Variants in KIN observed in about 807,000 individuals in gnomAD.
KIN encodes Kin17 DNA and RNA binding protein, also known as DNA/RNA-binding protein KIN17.
Under a neutral mutation model 63.0 loss-of-function variants are expected in KIN, and 47 were observed. The ratio of observed to expected loss-of-function variants is 0.75; its 90% CI spans 0.59 to 0.95. KIN has a LOEUF of 0.95. KIN is among the 40% of genes least tolerant of loss of function. The pLI, the probability that KIN is intolerant of heterozygous loss-of-function variation, is 0.00. For missense variants in KIN, 408 were observed against 460.9 expected (o/e 0.89, Z 1.05); for synonymous variants, 160 against 157.7 (o/e 1.01, Z -0.11).
intron 8 of KIN, among the ~76,000 whole-genome samples, chr10:7,767,675 T>C (rs1239553948): frequency 6.6e-6 from 1 of 151,880 alleles, no homozygotes; most frequent in Non-Finnish European, 1.5e-5. Flanking sequence ...CTGGCCAGCA[T>C]AGTGAAATCC....
At chr10:7,770,889 A>C (rs1356448524) in intron 7 of KIN, among the ~76,000 whole-genome samples, 1 of 152,214 alleles carries the variant, frequency 6.6e-6, no homozygotes, top group Non-Finnish European at 1.5e-5. Context: ...GCTTGAAGTC[A>C]ACTAAAACCC....
intron 5 of KIN, among the ~76,000 whole-genome samples, chr10:7,778,010 A>T (rs1835815868): frequency 6.6e-6 from 1 of 152,142 alleles, no homozygotes; most frequent in South Asian, 2.1e-4. Context: ...GCGCTTATAA[A>T]TATATGTTGA....
chr10:7,777,869 A>T (rs560023578), intron 5 of KIN, among the ~76,000 whole-genome samples: 1 of 149,912 alleles, frequency 6.7e-6, no homozygotes, highest in South Asian at 2.1e-4. Context: ...ACTGCACTCC[A>T]GCCTGGGCGA....
chr10:7,782,492 C>G (rs147812229), intron 2 of KIN, among the ~76,000 whole-genome samples: 5,653 of 151,770 alleles, frequency 0.037, 346 homozygotes, highest in African/African-American at 0.13. Context: ...TCTGCCTCCC[C>G]GGTTCAAGCA....
chr10:7,756,151 TA>T lies in KIN; in HGVS notation c.1120-10del. On this transcript the variant is annotated splice_polypyrimidine_tract_variant and intron_variant, in intron 12 of 12. Transcript: ENST00000379562. ...CGTCCTTTTAAAGGGCCCTACAAATTAAAATAATTTAAAATAAGGTTAAAAA... is the reference window on the plus strand; with the variant it reads ...CGTCCTTTTAAAGGGCCCTACAAATTAAATAATTTAAAATAAGGTTAAAAA... 1 of 1,459,392 alleles carries T rather than the reference TA, an allele frequency of 6.9e-7. No homozygotes were observed. Among genetic ancestry groups the T allele is most frequent in the Non-Finnish European group, 9.4e-7 (1 of 1,069,030 alleles). The allele number at this position is 1,459,392 out of a possible 1,614,324, so 90.4% of individuals were successfully genotyped here. A position where few individuals can be genotyped will look rare whatever the true frequency, so the allele number is the denominator to read the frequency against.
intron 5 of KIN, among the ~76,000 whole-genome samples, chr10:7,776,229 CAAA>C (rs66884181): frequency 1.8e-5 from 2 of 112,984 alleles, no homozygotes. Context: ...GACTCCATCT[CAAA>C]AAAAAAAAAA....
In KIN at chr10:7,787,959, T is replaced by A; in HGVS notation, c.-26A>T. On this transcript the variant is annotated 5_prime_UTR_variant, in exon 1 of 13. Coordinates refer to ENST00000379562, the MANE Select transcript of KIN (RefSeq NM_012311.4). ...GGCGACCACGGCAGCGATCACTTTC[T>A]GGACCCCAGTACTCAGCCAGCCGGA... The A allele has an allele frequency of 5.2e-6, 8 of 1,548,058 alleles. No homozygotes were observed. The highest frequency in any genetic ancestry group is 7.1e-6 in the Non-Finnish European group (8 of 1,119,850).
intron 5 of KIN, among the ~76,000 whole-genome samples, chr10:7,776,058 C>A (rs1835764082): frequency 6.6e-6 from 1 of 151,918 alleles, no homozygotes; most frequent in Admixed American, 6.6e-5. Context: ...GAAACCCTGT[C>A]TCTGCTAAAA....
chr10:7,774,119 G>T (rs1409799564), intron 7 of KIN, among the ~76,000 whole-genome samples: 1 of 152,162 alleles, frequency 6.6e-6, no homozygotes, highest in African/African-American at 2.4e-5. Flanking sequence ...TTCAGTTATT[G>T]TGACAAAGAC....
At chr10:7,769,452 CAGG>C (rs779754605) in intron 7 of KIN, 107 bp from the exon 8 acceptor site, 356 of 1,140,930 alleles carry the variant, frequency 3.1e-4, no homozygotes, top group Non-Finnish European at 4.1e-4. Context: ...TAGTAATTTA[CAGG>C]AGATTAGTGA....
intron 8 of KIN, among the ~76,000 whole-genome samples, chr10:7,767,699 A>T (rs1835577429): frequency 6.6e-6 from 1 of 152,096 alleles, no homozygotes; most frequent in East Asian, 1.9e-4. Flanking sequence ...CTCTACTAAA[A>T]ATATAAAAAA....
At chr10:7,764,646 G>A (rs950182335) in intron 9 of KIN, among the ~76,000 whole-genome samples, 2 of 152,148 alleles carry the variant, frequency 1.3e-5, no homozygotes, top group South Asian at 4.1e-4. Flanking sequence ...AAATGTGAAC[G>A]GTCTTATTCT....
intron 1 of KIN, among the ~76,000 whole-genome samples, chr10:7,786,663 G>A (rs528057590): frequency 2.6e-4 from 40 of 152,032 alleles, no homozygotes; most frequent in Non-Finnish European, 5.0e-4. Flanking sequence ...TGAGGATAGA[G>A]GCAGTTTCGC....
intron 7 of KIN, among the ~76,000 whole-genome samples, chr10:7,769,773 A>G (rs1330799313): frequency 1.3e-5 from 2 of 152,170 alleles, no homozygotes; most frequent in African/African-American, 4.8e-5. Flanking sequence ...AGATAATAAC[A>G]TGACCCAACT....
In KIN at chr10:7,755,025, T is replaced by A. The variant is rs565966798; in HGVS notation, c.*1055A>T. On this transcript the variant is annotated 3_prime_UTR_variant, in exon 13 of 13. Coordinates refer to ENST00000379562, the MANE Select transcript of KIN (RefSeq NM_012311.4). Reference sequence around the variant, plus strand: ...AGGAGGATCACTTGAGCCCAGGAGTTTGACAGCAGCCTGGGCAACACAGTG... The same window carrying A: ...AGGAGGATCACTTGAGCCCAGGAGTATGACAGCAGCCTGGGCAACACAGTG... 1.3e-5 allele frequency: 2 copies of A among 152,484 alleles called. No homozygotes were observed. Among genetic ancestry groups the A allele is most frequent in the Non-Finnish European group, 2.9e-5 (2 of 68,172 alleles). The allele number at this position is 152,484 out of a possible 1,614,324, so 9.4% of individuals were successfully genotyped here.
intron 7 of KIN, among the ~76,000 whole-genome samples, chr10:7,770,514 G>A (rs1264471631): frequency 6.6e-6 from 1 of 152,200 alleles, no homozygotes; most frequent in Non-Finnish European, 1.5e-5. Flanking sequence ...ACAGTACCTT[G>A]TGGCATGCAT....
Position 7,752,569 on chromosome 10 carries a change from T to TA in KIN, c.*3510dup, listed in dbSNP as rs1460180475. 2 of 152,202 alleles carry TA rather than the reference T, an allele frequency of 1.3e-5. No homozygotes were observed. The highest frequency in any genetic ancestry group is 1.9e-4 in the East Asian group (1 of 5,200). The allele number at this position is 152,202 out of a possible 1,614,324, so 9.4% of individuals were successfully genotyped here. A position where few individuals can be genotyped will look rare whatever the true frequency, so the allele number is the denominator to read the frequency against. On this transcript the variant is annotated 3_prime_UTR_variant, in exon 13 of 13. Coordinates refer to ENST00000379562, the MANE Select transcript of KIN (RefSeq NM_012311.4). Reference sequence around the variant, plus strand: ...TCCAGCAATTGTGCTCTTTGGTCGTTACGTAAATAAGTTGAAAACGTCTAT... The same window carrying TA: ...TCCAGCAATTGTGCTCTTTGGTCGTTAACGTAAATAAGTTGAAAACGTCTAT...
chr10:7,769,334 G>A lies in KIN; in HGVS notation c.680C>T (p.Pro227Leu), dbSNP rs201258955. Residue 227 changes from proline (P) to leucine (L), a missense_variant, in exon 8 of 13, where the codon CCG (proline) becomes CTG (leucine). Pro to Leu is a moderately conservative substitution (Grantham distance 98, BLOSUM62 -3). This residue lies in a region of KIN where 298 missense variants were observed against 296.0 expected (regional missense o/e 1.01). Coordinates refer to ENST00000379562, the MANE Select transcript of KIN (RefSeq NM_012311.4). ...ATSSKSSTLG[P>L]SALKTIGSSA... ...ACTTCCTATCGTCTTCAGTGCACTC[G>A]GTCCCAGAGTACTGATGAACAGGAG... is the stretch of plus-strand genomic sequence containing the variant. 4.6e-5 allele frequency: 74 copies of A among 1,613,162 alleles called. 1 individual carries two copies. Among genetic ancestry groups the A allele is most frequent in the South Asian group, 3.1e-4 (28 of 90,894 alleles).
Position 7,783,148 on chromosome 10 carries a change from C to T in KIN, c.142G>A (p.Glu48Lys). 2 of 1,596,756 alleles carry T rather than the reference C, an allele frequency of 1.3e-6. No homozygotes were observed. The highest frequency in any genetic ancestry group is 1.1e-5 in the South Asian group (1 of 87,924). Residue 48 changes from glutamate (E) to lysine (K), a missense_variant, in exon 2 of 13, where the codon GAA becomes AAA. This residue lies in a region of KIN where 110 missense variants were observed against 164.9 expected (regional missense o/e 0.67). Coordinates refer to ENST00000379562, the MANE Select transcript of KIN (RefSeq NM_012311.4). The part of the protein sequence containing the change: ...ENGFKCHCMS[E>K]SHQRQLLLAS... The stretch of plus-strand genomic sequence containing the variant: ...AGCAATAGTTGTCTCTGATGAGATT[C>T]GGACATACAATGACACTTAAAGCCA...
Sources: allele counts gnomAD v4.1 joint callset (sites outside exome capture counted in the v4.1 genomes callset), GRCh38; gene constraint gnomAD v4.1.1; regional missense constraint gnomAD v4.1.1; transcripts MANE v1.5; gene names NCBI Gene and HGNC (gene_info 2026-07-23, HGNC 2026-07-21).